SEMA3A: variants seen among roughly 807,000 people sequenced by gnomAD.
SEMA3A encodes the protein semaphorin 3A.
A neutral mutation model predicts 97.9 loss-of-function variants in SEMA3A; 29 were observed. The ratio of observed to expected loss-of-function variants is 0.30; its 90% confidence interval spans 0.22 to 0.40. SEMA3A has a LOEUF of 0.40. SEMA3A is among the 10% of genes least tolerant of loss of function. SEMA3A has a pLI of 1.00. For missense variants in SEMA3A, 763 were observed against 951.3 expected, an observed-to-expected ratio of 0.80 and a Z score of 2.60; for synonymous variants, 321 against 323.7, an observed-to-expected ratio of 0.99 and a Z score of 0.09.
intron 4 of SEMA3A, among the ~76,000 whole-genome samples, chr7:84,078,557 TG>T (rs1341028344): frequency 1.3e-5 from 2 of 152,070 alleles, no homozygotes; most frequent in African/African-American, 4.8e-5. Flanking sequence ...CAGAGGGTTG[TG>T]GTCTTGCTCT....
chr7:84,064,507 G>T (rs1793395559), intron 4 of SEMA3A, among the ~76,000 whole-genome samples: 1 of 152,166 alleles, frequency 6.6e-6, no homozygotes, highest in Non-Finnish European at 1.5e-5. Context: ...CCATCAGTGT[G>T]CTGTACTCAG....
At chr7:84,485,440 A>G (rs1265205990) in intron 1 of SEMA3A, among the ~76,000 whole-genome samples, 1 of 151,310 alleles carries the variant, frequency 6.6e-6, no homozygotes, top group East Asian at 1.9e-4. Flanking sequence ...CAGTGGGGCG[A>G]TCATAGTTGA....
intron 4 of SEMA3A, among the ~76,000 whole-genome samples, chr7:84,098,237 A>C (rs1794837892): frequency 6.6e-6 from 1 of 152,064 alleles, no homozygotes; most frequent in Non-Finnish European, 1.5e-5. Context: ...TGCTAAACTT[A>C]CTTTGAATGA....
In SEMA3A at chr7:84,424,994, T is replaced by C. The variant is rs1223172976; in HGVS notation, c.-245-53094A>G. On this transcript the variant is annotated intron_variant, in intron 1 of 3. Coordinates refer to the SEMA3A transcript ENST00000424555. ...TATATTTATAATTTATAATTATATTTTTATTTATTTATATATATTATTTAT... is the reference window on the plus strand; with the variant it reads ...TATATTTATAATTTATAATTATATTCTTATTTATTTATATATATTATTTAT... Among the ~76,000 whole-genome samples, 5 of 103,622 alleles carry C rather than the reference T, an allele frequency of 4.8e-5. No individual in the cohort carries two copies. The East Asian group carries it at 1.3e-3, about 26-fold the overall frequency. The allele number at this position is 103,622 out of a possible 152,430, so 68.0% of individuals were successfully genotyped here.
At chr7:84,017,118 G>A (rs765202165) in intron 6 of SEMA3A, among the ~76,000 whole-genome samples, 1 of 152,112 alleles carries the variant, frequency 6.6e-6, no homozygotes, top group Non-Finnish European at 1.5e-5. Flanking sequence ...TCTAACAAAA[G>A]CAATGTTAAA....
Position 84,156,593 on chromosome 7 carries a change from G to A in SEMA3A, c.113-21642C>T, listed in dbSNP as rs73177491. Among the ~76,000 whole-genome samples the A allele has an allele frequency of 3.4e-3, 523 of 152,094 alleles. 1 individual carries two copies. Among genetic ancestry groups the A allele is most frequent in the South Asian group, 7.3e-3 (35 of 4,824 alleles). ...AAATTATTTGTAAAATATACATTCC[G>A]ATTCTACGTATGTGGCATGTTTCTG... On this transcript the variant is annotated intron_variant, in intron 1 of 16. Coordinates refer to ENST00000265362, the MANE Select transcript of SEMA3A (RefSeq NM_006080.3).
chr7:84,278,330 G>A (rs79289057), intron 3 of SEMA3A, among the ~76,000 whole-genome samples: 11,134 of 151,998 alleles, frequency 0.073, 1,397 homozygotes, highest in African/African-American at 0.25. Context: ...ACAATTTATT[G>A]AGTCTCTTAG....
rs192019817 is a variant in SEMA3A, at chr7:84,333,993, T to C, written c.-168-26701A>G. Among the ~76,000 whole-genome samples, 15 of 152,290 alleles carry C rather than the reference T, an allele frequency of 9.8e-5. 1 individual carries two copies. The highest frequency in any genetic ancestry group is 2.6e-4 in the Admixed American group (4 of 15,282). On this transcript the variant is annotated intron_variant, in intron 2 of 3. Coordinates refer to the SEMA3A transcript ENST00000424555. ...TCATATACTTAAAGTCCACCAAATG[T>C]ACTGAAAAGTAATAGTATATATCCA...
chr7:84,097,824 A>G (rs1213291168), intron 4 of SEMA3A, among the ~76,000 whole-genome samples: 1 of 152,126 alleles, frequency 6.6e-6, no homozygotes, highest in African/African-American at 2.4e-5. Context: ...ATTGCATTCA[A>G]TGAAAGTTGA....
At chr7:84,068,226 G>T (rs188817905) in intron 4 of SEMA3A, among the ~76,000 whole-genome samples, 2,232 of 144,676 alleles carry the variant, frequency 0.015, 39 homozygotes, top group Non-Finnish European at 0.018. Context: ...TGAACAATGA[G>T]ATCACATGTA....
At chr7:84,353,847 T>C (rs1245853827) in intron 2 of SEMA3A, among the ~76,000 whole-genome samples, 1 of 151,664 alleles carries the variant, frequency 6.6e-6, no homozygotes, top group African/African-American at 2.4e-5. Context: ...TCCATGAGCT[T>C]TTAGGTTTAC....
At chr7:84,333,479 G>A (rs868623599) in intron 2 of SEMA3A, among the ~76,000 whole-genome samples, 1 of 151,990 alleles carries the variant, frequency 6.6e-6, no homozygotes, top group Non-Finnish European at 1.5e-5. Context: ...GAAACAACAC[G>A]ATGAGGTGAG....
intron 6 of SEMA3A, among the ~76,000 whole-genome samples, chr7:84,024,349 T>C (rs936579893): frequency 1.3e-5 from 2 of 151,740 alleles, no homozygotes; most frequent in Non-Finnish European, 2.9e-5. Flanking sequence ...GAGACCAGCC[T>C]GGCCAACATG....
chr7:84,289,431 T>A (rs569355549), intron 3 of SEMA3A, among the ~76,000 whole-genome samples: 1 of 152,218 alleles, frequency 6.6e-6, no homozygotes, highest in Non-Finnish European at 1.5e-5. Context: ...ATTATCTTCA[T>A]TTGATCACTG....
intron 1 of SEMA3A, among the ~76,000 whole-genome samples, chr7:84,486,176 T>C (rs1188155474): frequency 6.6e-6 from 1 of 151,902 alleles, no homozygotes; most frequent in Non-Finnish European, 1.5e-5. Context: ...GATCATGAGG[T>C]CAGAAGATCA....
At chr7:84,048,096 G>A (rs983808309) in intron 5 of SEMA3A, among the ~76,000 whole-genome samples, 1 of 151,916 alleles carries the variant, frequency 6.6e-6, no homozygotes, top group African/African-American at 2.4e-5. Flanking sequence ...TGTGATTCAA[G>A]ATAAATAAAA....
At chr7:84,106,925 T>A (rs2372030) in intron 4 of SEMA3A, among the ~76,000 whole-genome samples, 65,077 of 152,042 alleles carry the variant, frequency 0.43, 15,018 homozygotes, top group Admixed American at 0.53. Context: ...AATTATTTGT[T>A]ATATGTCTAG....
rs898535263 is a variant in SEMA3A, at chr7:83,961,108, A to T, written c.*263T>A. On this transcript the variant is annotated 3_prime_UTR_variant, in exon 17 of 17. Transcript: ENST00000265362. ...GAAGAAAGACAAACCTGTACAGTGA[A>T]ATCTCATAGGAAACATTAAGTCTGC... is the stretch of plus-strand genomic sequence containing the variant. The T allele has an allele frequency of 1.1e-5, 5 of 467,912 alleles. No homozygotes were observed. Among genetic ancestry groups the T allele is most frequent in the Non-Finnish European group, 1.9e-5 (5 of 258,296 alleles). The allele number at this position is 467,912 out of a possible 1,614,324, so 29.0% of individuals were successfully genotyped here. A position where few individuals can be genotyped will look rare whatever the true frequency, so the allele number is the denominator to read the frequency against.
intron 5 of SEMA3A, among the ~76,000 whole-genome samples, chr7:84,048,162 A>G (rs1156386510): frequency 6.6e-6 from 1 of 152,058 alleles, no homozygotes; most frequent in Non-Finnish European, 1.5e-5. Flanking sequence ...TTGTTCTTGT[A>G]TGTCATCCTA....
Sources: allele counts gnomAD v4.1 joint callset (sites outside exome capture counted in the v4.1 genomes callset), GRCh38; gene constraint gnomAD v4.1.1; transcripts MANE v1.5; gene names NCBI Gene and HGNC (gene_info 2026-07-23, HGNC 2026-07-21).